The following SEMA6D variants were observed in gnomAD, a reference collection of about 807,000 sequenced individuals.
SEMA6D encodes semaphorin 6D.
Under a neutral mutation model 106.6 loss-of-function variants are expected in SEMA6D, and 35 were observed. The observed-to-expected ratio is 0.33, with a 90% CI of 0.25 to 0.44. SEMA6D has a LOEUF of 0.44. SEMA6D is among the 20% of genes least tolerant of loss of function. The probability of loss-of-function intolerance (pLI) is 1.00; values close to 1 mark genes in which losing one functional copy is unlikely to be tolerated. For missense variants in SEMA6D, 1,185 were observed against 1,345.9 expected (o/e 0.88, Z 1.87); for synonymous variants, 499 against 487.7 (o/e 1.02, Z -0.31).
At chr15:47,508,138 C>T (rs1390325815) in intron 3 of SEMA6D, among the ~76,000 whole-genome samples, 1 of 152,226 alleles carries the variant, frequency 6.6e-6, no homozygotes, top group Non-Finnish European at 1.5e-5. Flanking sequence ...GTACCCGCCT[C>T]AGGACCAAGT....
chr15:47,189,307 A>G (rs1201152770), intron 1 of SEMA6D, among the ~76,000 whole-genome samples: 2 of 152,146 alleles, frequency 1.3e-5, no homozygotes, highest in Admixed American at 6.5e-5. Context: ...TGAAATTTCT[A>G]TGTAAATACA....
chr15:47,482,419 G>A (rs192753749), intron 3 of SEMA6D, among the ~76,000 whole-genome samples: 1 of 152,134 alleles, frequency 6.6e-6, no homozygotes, highest in East Asian at 1.9e-4. Flanking sequence ...TGCTTTTGGA[G>A]TGGCACCGGA....
chr15:47,637,399 A>G (rs1340838435), intron 4 of SEMA6D, among the ~76,000 whole-genome samples: 2 of 152,162 alleles, frequency 1.3e-5, no homozygotes, highest in East Asian at 3.9e-4. Context: ...CCATCCACTA[A>G]TCTGACTATG....
chr15:47,229,419 A>G (rs2032031642), intron 1 of SEMA6D, among the ~76,000 whole-genome samples: 1 of 151,952 alleles, frequency 6.6e-6, no homozygotes, highest in South Asian at 2.1e-4. Flanking sequence ...GTTTATGGTC[A>G]TGGATAATAC....
At chr15:47,716,160 C>T (rs535373801), upstream of SEMA6D, among the ~76,000 whole-genome samples, 2 of 152,338 alleles carry the variant, frequency 1.3e-5, no homozygotes, top group Non-Finnish European at 2.9e-5. Flanking sequence ...CCGCCCCCTA[C>T]TCTTTTCTTC....
intron 1 of SEMA6D, among the ~76,000 whole-genome samples, chr15:47,284,286 A>G (rs2035260825): frequency 6.6e-6 from 1 of 152,258 alleles, no homozygotes; most frequent in African/African-American, 2.4e-5. Context: ...CACTCACATC[A>G]TATAATTTTT....
intron 3 of SEMA6D, among the ~76,000 whole-genome samples, chr15:47,483,413 T>C (rs1277688702): frequency 6.6e-6 from 1 of 152,134 alleles, no homozygotes; most frequent in East Asian, 1.9e-4. Flanking sequence ...ATTTGGCTCA[T>C]TGGAGTCTCC....
At chr15:47,573,938 T>A (rs1418948506) in intron 3 of SEMA6D, among the ~76,000 whole-genome samples, 4 of 152,218 alleles carry the variant, frequency 2.6e-5, no homozygotes, top group Non-Finnish European at 5.9e-5. Flanking sequence ...ATATGTCTCT[T>A]CAGTGCAAGC....
chr15:47,621,425 C>G (rs931288913), intron 4 of SEMA6D, among the ~76,000 whole-genome samples: 1 of 151,958 alleles, frequency 6.6e-6, no homozygotes, highest in Non-Finnish European at 1.5e-5. Context: ...TACATAAGCC[C>G]GGTGAATCAA....
intron 1 of SEMA6D, among the ~76,000 whole-genome samples, chr15:47,341,496 C>T (rs1013917796): frequency 4.6e-5 from 7 of 152,148 alleles, no homozygotes; most frequent in African/African-American, 1.4e-4. Flanking sequence ...TCTGTTTTCA[C>T]TTCCATCTTG....
chr15:47,197,063 A>T (rs1595726746), intron 1 of SEMA6D, among the ~76,000 whole-genome samples: 1 of 152,200 alleles, frequency 6.6e-6, no homozygotes, highest in South Asian at 2.1e-4. Context: ...CAAATGGGGA[A>T]TCTAACCCTC....
intron 4 of SEMA6D, among the ~76,000 whole-genome samples, chr15:47,674,095 C>T (rs2078193978): frequency 6.6e-6 from 1 of 152,186 alleles, no homozygotes; most frequent in South Asian, 2.1e-4. Context: ...CAACACAAAA[C>T]CAGCACTGGC....
At chr15:47,741,281 A>C (rs909273283) in intron 1 of SEMA6D, among the ~76,000 whole-genome samples, 1 of 152,116 alleles carries the variant, frequency 6.6e-6, no homozygotes, top group African/African-American at 2.4e-5. Flanking sequence ...GCAAAATAGC[A>C]CCAACCTCCT....
At chr15:47,635,733 G>A (rs1345957559) in intron 4 of SEMA6D, among the ~76,000 whole-genome samples, 2 of 152,008 alleles carry the variant, frequency 1.3e-5, no homozygotes, top group African/African-American at 4.8e-5. Context: ...TTGACTGCCA[G>A]TATTAGGAAC....
intron 4 of SEMA6D, among the ~76,000 whole-genome samples, chr15:47,618,057 A>G (rs1333895660): frequency 6.6e-6 from 1 of 152,206 alleles, no homozygotes; most frequent in Non-Finnish European, 1.5e-5. Context: ...GAGAATATTC[A>G]AACTAGGAGA....
rs193072799 is a variant in SEMA6D at position 47,708,494 on chromosome 15, C to T, written c.-54-51251C>T. ...ATGCATTTCCCCTTGTCCTATACAT[C>T]CAAAGTACATTTTCTCTACCTCTGG... is the stretch of plus-strand genomic sequence containing the variant. On this transcript the variant is annotated intron_variant, in intron 4 of 19. Coordinates refer to the SEMA6D transcript ENST00000558014. Among the ~76,000 whole-genome samples, 443 of 152,294 alleles carry T rather than the reference C, an allele frequency of 2.9e-3. 1 individual carries two copies. Among genetic ancestry groups the T allele is most frequent in the African/African-American group, 0.01 (436 of 41,544 alleles).
intron 1 of SEMA6D, among the ~76,000 whole-genome samples, chr15:47,380,165 T>C (rs1428888508): frequency 6.6e-6 from 1 of 152,216 alleles, no homozygotes; most frequent in East Asian, 1.9e-4. Flanking sequence ...AAAAAAGGAA[T>C]TACAAAATAT....
intron 4 of SEMA6D, among the ~76,000 whole-genome samples, chr15:47,680,701 G>A (rs955260166): frequency 2.0e-5 from 3 of 152,092 alleles, no homozygotes; most frequent in East Asian, 1.9e-4. Flanking sequence ...CTGAAAAGGG[G>A]TTAGTATCCA....
intron 2 of SEMA6D, among the ~76,000 whole-genome samples, chr15:47,459,407 T>C (rs1274615364): frequency 6.6e-6 from 1 of 152,004 alleles, no homozygotes. Flanking sequence ...AGCCCACCAA[T>C]ACATTGATTA....
Sources: allele counts gnomAD v4.1 joint callset (sites outside exome capture counted in the v4.1 genomes callset), GRCh38; gene constraint gnomAD v4.1.1; transcripts MANE v1.5; gene names NCBI Gene and HGNC (gene_info 2026-07-23, HGNC 2026-07-21).